The following SV2C variants were observed in gnomAD, a reference collection of about 807,000 sequenced individuals.
SV2C encodes the protein synaptic vesicle glycoprotein 2C, also known as solute carrier family 22 member B3.
Under a neutral mutation model 79.7 loss-of-function variants are expected in SV2C, and 49 were observed. The observed-to-expected ratio is 0.61, with a 90% CI of 0.49 to 0.78. The LOEUF (loss-of-function observed/expected upper bound fraction) is 0.78. Ranked by LOEUF, SV2C falls within the 30% of genes least tolerant of loss-of-function variation. SV2C has a pLI of 0.00. For synonymous variants in SV2C, 334 were observed against 333.2 expected, an observed-to-expected ratio of 1.00 and a Z score of -0.03; for missense variants, 833 against 912.9, an observed-to-expected ratio of 0.91 and a Z score of 1.13.
At chr5:76,082,530 TCTCTC>T (rs1429620773), upstream of SV2C, 1 of 151,126 alleles carries the variant, frequency 6.6e-6, no homozygotes, top group Non-Finnish European at 1.5e-5. Flanking sequence ...CTCTCTCTCT[TCTCTC>T]CTCTCTCTTT....
At chr5:75,959,276 C>T in the SV2C span, among the ~76,000 whole-genome samples, 7 of 151,932 alleles carry the variant, frequency 4.6e-5, no homozygotes, top group African/African-American at 1.7e-4. Context: ...AAGATCTGCT[C>T]TCTTTGCATG....
At chr5:76,082,548 CCCT>C (rs1055353699), upstream of SV2C, among the ~76,000 whole-genome samples, 8 of 151,706 alleles carry the variant, frequency 5.3e-5, no homozygotes, top group South Asian at 4.2e-4. Flanking sequence ...CTCTCTTTCT[CCCT>C]CCTCCTCCTT....
chr5:76,143,942 G>A (rs1749340131), intron 2 of SV2C, among the ~76,000 whole-genome samples: 1 of 152,064 alleles, frequency 6.6e-6, no homozygotes, highest in African/African-American at 2.4e-5. Context: ...AAAAACTGAA[G>A]TCAAATAAAG....
the SV2C span, among the ~76,000 whole-genome samples, chr5:75,886,654 T>C: frequency 6.6e-6 from 1 of 152,160 alleles, no homozygotes; most frequent in African/African-American, 2.4e-5. Flanking sequence ...AGGATATAAC[T>C]GACAGAGATG....
the SV2C span, among the ~76,000 whole-genome samples, chr5:75,885,161 C>T: frequency 6.6e-6 from 1 of 152,074 alleles, no homozygotes; most frequent in Non-Finnish European, 1.5e-5. Flanking sequence ...GAAAATACTC[C>T]CCCTATTGTC....
intron 12 of SV2C, chr5:76,311,336 G>T (rs1437436638): frequency 6.6e-6 from 1 of 152,266 alleles, no homozygotes; most frequent in Non-Finnish European, 1.5e-5. Flanking sequence ...TCTCCCCAAG[G>T]CTCTTAATTC....
intron 4 of SV2C, among the ~76,000 whole-genome samples, chr5:76,269,002 C>T (rs75732764): frequency 1.9e-3 from 289 of 152,336 alleles, no homozygotes; most frequent in Admixed American, 6.4e-3. Context: ...TTCGAAGTAT[C>T]CTCAAGCTTT....
chr5:76,030,021 C>T, the SV2C span, among the ~76,000 whole-genome samples: 1 of 152,158 alleles, frequency 6.6e-6, no homozygotes, highest in Non-Finnish European at 1.5e-5. Flanking sequence ...TGACTGCAGA[C>T]CCCGGTTTCT....
At chr5:76,242,087 T>C (rs1006832718) in intron 4 of SV2C, 21 of 1,440,554 alleles carry the variant, frequency 1.5e-5, no homozygotes, top group African/African-American at 2.8e-5. Context: ...CTCCATTTCC[T>C]GCAGGGTTAT....
At chr5:76,179,743 A>G (rs924815291) in intron 2 of SV2C, among the ~76,000 whole-genome samples, 13 of 152,206 alleles carry the variant, frequency 8.5e-5, no homozygotes, top group African/African-American at 2.4e-4. Context: ...GGCAACATCC[A>G]TTAGTGCAAG....
At chr5:75,973,011 T>A in the SV2C span, among the ~76,000 whole-genome samples, 495 of 152,072 alleles carry the variant, frequency 3.3e-3, 2 homozygotes, top group African/African-American at 0.011. Context: ...AAATGATGAG[T>A]TCATGTCCTT....
At chr5:76,211,331 CT>C (rs1249526168) in intron 4 of SV2C, among the ~76,000 whole-genome samples, 5 of 152,152 alleles carry the variant, frequency 3.3e-5, no homozygotes, top group Non-Finnish European at 5.9e-5. Flanking sequence ...TTGCATGTTT[CT>C]GAGCAATACC....
At chr5:75,915,696 G>A in the SV2C span, among the ~76,000 whole-genome samples, 2 of 152,196 alleles carry the variant, frequency 1.3e-5, no homozygotes, top group East Asian at 1.9e-4. Flanking sequence ...GGAGAGACAG[G>A]ATTGTTCACT....
the SV2C span, among the ~76,000 whole-genome samples, chr5:76,036,549 C>G: frequency 2.0e-5 from 3 of 152,220 alleles, no homozygotes; most frequent in East Asian, 1.9e-4. Flanking sequence ...AAATTCTTTT[C>G]TTTAAGAATG....
chr5:75,872,921 TAAAA>T, the SV2C span, among the ~76,000 whole-genome samples: 3 of 150,866 alleles, frequency 2.0e-5, no homozygotes, highest in African/African-American at 4.9e-5. Flanking sequence ...ATAATAAAAT[TAAAA>T]AAAGAAAAAG....
the SV2C span, among the ~76,000 whole-genome samples, chr5:76,023,414 G>A: frequency 6.6e-6 from 1 of 152,108 alleles, no homozygotes; most frequent in East Asian, 1.9e-4. Flanking sequence ...AATGGTATTT[G>A]ATCCAAGAGC....
At chr5:75,896,003 A>G in the SV2C span, among the ~76,000 whole-genome samples, 1 of 152,138 alleles carries the variant, frequency 6.6e-6, no homozygotes, top group African/African-American at 2.4e-5. Flanking sequence ...ATGCACATAC[A>G]TAATTTATGT....
chr5:76,138,915 T>C (rs1450609166), intron 2 of SV2C, among the ~76,000 whole-genome samples: 1 of 152,108 alleles, frequency 6.6e-6, no homozygotes, highest in Non-Finnish European at 1.5e-5. Flanking sequence ...TCAGGAGATT[T>C]AGACCATCCT....
the SV2C span, chr5:75,910,910 G>C: frequency 1.0e-6 from 1 of 958,370 alleles, no homozygotes; most frequent in Admixed American, 1.7e-5. Flanking sequence ...TTCCAACAAA[G>C]TCTTTGTGGT....
Sources: allele counts gnomAD v4.1 joint callset (sites outside exome capture counted in the v4.1 genomes callset), GRCh38; gene constraint gnomAD v4.1.1; transcripts MANE v1.5; gene names NCBI Gene and HGNC (gene_info 2026-07-23, HGNC 2026-07-21).